Variants in CCSER1 observed in about 807,000 individuals in gnomAD.
CCSER1 encodes serine-rich coiled-coil domain-containing protein 1.
CCSER1 carries 41 observed loss-of-function variants against 82.0 expected under a neutral mutation model. The ratio of observed to expected loss-of-function variants is 0.50; its 90% CI spans 0.39 to 0.65. The LOEUF is 0.65. Among genes scored for constraint, CCSER1 ranks in the 30% least tolerant of loss-of-function variants. CCSER1 has a pLI of 0.00. For synonymous variants in CCSER1, 414 were observed against 383.9 expected (o/e 1.08, Z -0.92); for missense variants, 1,119 against 1,064.2 (o/e 1.05, Z -0.72).
intron 6 of CCSER1, among the ~76,000 whole-genome samples, chr4:90,711,320 A>G (rs535254199): frequency 1.3e-5 from 2 of 152,068 alleles, no homozygotes; most frequent in Non-Finnish European, 1.5e-5. Flanking sequence ...AATATGCTTT[A>G]TATCTTTCTC....
At chr4:90,395,502 A>G (rs554912411) in intron 3 of CCSER1, among the ~76,000 whole-genome samples, 6 of 152,244 alleles carry the variant, frequency 3.9e-5, no homozygotes, top group African/African-American at 1.4e-4. Context: ...CATGAAAGCC[A>G]TCTCTTAAAT....
chr4:90,887,774 T>C (rs1178590083), intron 8 of CCSER1, among the ~76,000 whole-genome samples: 3 of 151,896 alleles, frequency 2.0e-5, no homozygotes, highest in Non-Finnish European at 2.9e-5. Flanking sequence ...CTCTGCTACC[T>C]GGGAGGCTGA....
chr4:91,503,258 A>C (rs912847787), intron 10 of CCSER1, among the ~76,000 whole-genome samples: 6 of 151,034 alleles, frequency 4.0e-5, no homozygotes, highest in Admixed American at 6.6e-5. Context: ...AGGAGAATGG[A>C]GTGAACCCGG....
chr4:90,276,321 C>CTT (rs1727788205), intron 1 of CCSER1, among the ~76,000 whole-genome samples: 1 of 114,646 alleles, frequency 8.7e-6, no homozygotes, highest in African/African-American at 3.5e-5. Flanking sequence ...CTTTCTTTTT[C>CTT]TTTCTTTCTT....
At chr4:90,185,025 C>G (rs1191549275) in intron 1 of CCSER1, among the ~76,000 whole-genome samples, 1 of 152,010 alleles carries the variant, frequency 6.6e-6, no homozygotes. Flanking sequence ...TGAGGATAAT[C>G]ACCATCCGTC....
chr4:90,217,780 ATTTCTT>A (rs1741366539), intron 1 of CCSER1, among the ~76,000 whole-genome samples: 1 of 151,554 alleles, frequency 6.6e-6, no homozygotes, highest in Non-Finnish European at 1.5e-5. Context: ...ACAATGCCTA[ATTTCTT>A]TTTCTTTATT....
intron 1 of CCSER1, among the ~76,000 whole-genome samples, chr4:90,290,766 A>G (rs989595306): frequency 2.6e-5 from 4 of 151,952 alleles, no homozygotes; most frequent in African/African-American, 9.7e-5. Context: ...ATTACCTAAC[A>G]GTGGATCTGT....
At chr4:90,146,311 A>G (rs1269384826) in intron 1 of CCSER1, among the ~76,000 whole-genome samples, 1 of 152,100 alleles carries the variant, frequency 6.6e-6, no homozygotes, top group Non-Finnish European at 1.5e-5. Flanking sequence ...AGTCTCTTTA[A>G]ATTTTTATGG....
chr4:91,503,801 T>C (rs1299560787), intron 10 of CCSER1, among the ~76,000 whole-genome samples: 1 of 152,174 alleles, frequency 6.6e-6, no homozygotes, highest in Non-Finnish European at 1.5e-5. Flanking sequence ...ACAGAAAAGG[T>C]TGCTATAACA....
chr4:90,459,577 C>T (rs923513927), intron 4 of CCSER1, among the ~76,000 whole-genome samples: 12 of 152,092 alleles, frequency 7.9e-5, no homozygotes, highest in African/African-American at 2.7e-4. Context: ...CTCTAGACAT[C>T]TTCTCCTGAT....
chr4:91,075,270 A>AT (rs1721857446), intron 9 of CCSER1, among the ~76,000 whole-genome samples: 1 of 151,622 alleles, frequency 6.6e-6, no homozygotes, highest in African/African-American at 2.4e-5. Context: ...CTTTAGGGTA[A>AT]TTTTTTTCCT....
chr4:90,839,270 G>A (rs1262860835), intron 8 of CCSER1, among the ~76,000 whole-genome samples: 2 of 152,180 alleles, frequency 1.3e-5, no homozygotes, highest in African/African-American at 2.4e-5. Flanking sequence ...AAATGTCTCA[G>A]TTAATTCTAT....
In CCSER1 at chr4:90,930,444, T is replaced by TA. The variant is rs1323307768; in HGVS notation, c.2172+6997_2172+6998insA. On this transcript the variant is annotated intron_variant, in intron 9 of 10. Transcript: ENST00000509176. ...GTGAAACCCCATCTCTACTAAAAAT[T>TA]TAAAAAAAAAATTAGCCAGGCGTAG... is the stretch of plus-strand genomic sequence containing the variant. 3.8e-3 allele frequency among the ~76,000 whole-genome samples: 571 copies of TA among 148,656 alleles called. 1 individual carries two copies. The highest frequency in any genetic ancestry group is 0.014 in the African/African-American group (545 of 40,330).
chr4:90,545,633 C>T (rs1388998868), intron 5 of CCSER1, among the ~76,000 whole-genome samples: 2 of 152,020 alleles, frequency 1.3e-5, no homozygotes, highest in Admixed American at 6.6e-5. Context: ...CACCCTGCCC[C>T]TCCCAAATTC....
intron 3 of CCSER1, among the ~76,000 whole-genome samples, chr4:90,345,522 G>T (rs1742165070): frequency 6.6e-6 from 1 of 152,040 alleles, no homozygotes; most frequent in South Asian, 2.1e-4. Context: ...AATTTTTTGT[G>T]TGTGTCTGCT....
chr4:90,251,621 C>T (rs1288763340), intron 1 of CCSER1, among the ~76,000 whole-genome samples: 2 of 151,602 alleles, frequency 1.3e-5, no homozygotes, highest in Admixed American at 1.3e-4. Flanking sequence ...TGGATGTTTG[C>T]TAGTATTTTG....
At position 90,440,310 on chromosome 4, in the gene CCSER1, G is replaced by A. The variant is rs191230057; in HGVS notation, c.1604-27924G>A. Reference sequence around the variant, plus strand: ...ATGAGCCACTGCATCCAGTCCATAGGAATATTTTAAATTTCTGTGTAAACA... The same window carrying A: ...ATGAGCCACTGCATCCAGTCCATAGAAATATTTTAAATTTCTGTGTAAACA... On this transcript the variant is annotated intron_variant, in intron 4 of 10. Coordinates refer to ENST00000509176, the MANE Select transcript of CCSER1 (RefSeq NM_001145065.2). Among the ~76,000 whole-genome samples the A allele has an allele frequency of 9.3e-3, 1,423 of 152,204 alleles. 10 individuals are homozygous for A. Among genetic ancestry groups the A allele is most frequent in the South Asian group, 0.022 (104 of 4,812 alleles).
chr4:90,200,649 A>C (rs1737520512), intron 1 of CCSER1, among the ~76,000 whole-genome samples: 1 of 152,008 alleles, frequency 6.6e-6, no homozygotes, highest in Admixed American at 6.6e-5. Flanking sequence ...TGTATTAATA[A>C]ACATAATTTG....
chr4:90,347,084 A>G (rs976609561), intron 3 of CCSER1, among the ~76,000 whole-genome samples: 1 of 152,104 alleles, frequency 6.6e-6, no homozygotes, highest in African/African-American at 2.4e-5. Context: ...TTTTGTTTGT[A>G]TGTTTATAAC....
Sources: gnomAD v4.1 joint callset for allele counts (sites outside exome capture counted in the v4.1 genomes callset) on GRCh38, gnomAD v4.1.1 for gene constraint, MANE v1.5 for transcripts, NCBI Gene and HGNC (gene_info 2026-07-23, HGNC 2026-07-21) for gene names.